The following SLAMF1 variants were observed in gnomAD, a reference collection of about 807,000 sequenced individuals.
SLAMF1 encodes signaling lymphocytic activation molecule.
A neutral mutation model predicts 35.1 loss-of-function variants in SLAMF1; 18 were observed. That is an observed-to-expected ratio of 0.51 (90% CI 0.35 to 0.76). SLAMF1 has a LOEUF of 0.76. Ranked by LOEUF, SLAMF1 falls within the 30% of genes least tolerant of loss-of-function variation. SLAMF1 has a pLI of 0.01. For synonymous variants in SLAMF1, 168 were observed against 157.2 expected (o/e 1.07, Z -0.51); for missense variants, 392 against 413.0 (o/e 0.95, Z 0.44).
In SLAMF1 at chr1:160,624,196, A is replaced by G. The variant is rs764071775; in HGVS notation, c.701-11T>C. ...CCCATGGTTTTGTTTCTGGAAAAAA[A>G]AAGAAGTCAAAGAGCAATCTCAAAA... On this transcript the variant is annotated splice_polypyrimidine_tract_variant and intron_variant, in intron 3 of 6. Transcript: ENST00000302035. 2 of 1,575,716 alleles carry G rather than the reference A, an allele frequency of 1.3e-6. No individual in the cohort carries two copies.
At position 160,646,992 on chromosome 1, in the gene SLAMF1, G is replaced by A. The variant is rs758768252; in HGVS notation, c.-47C>T. 21 of 957,758 alleles carry A rather than the reference G, an allele frequency of 2.2e-5. 1 individual carries two copies. The highest frequency in any genetic ancestry group is 3.2e-5 in the Non-Finnish European group (19 of 592,098). 59.3% of individuals were successfully genotyped at this position (957,758 alleles called of 1,614,324 possible). On this transcript the variant is annotated 5_prime_UTR_variant, in exon 1 of 7. The change creates a premature stop within an existing upstream ORF in the 5' untranslated region. Coordinates refer to ENST00000302035, the MANE Select transcript of SLAMF1 (RefSeq NM_003037.5). Reference sequence around the variant, plus strand: ...GGATCCTGGCCGGAGCCTGGCAGCTGCTCACAGATGCCAGGCAGAAGCAAG... The same window carrying A: ...GGATCCTGGCCGGAGCCTGGCAGCTACTCACAGATGCCAGGCAGAAGCAAG...
At chr1:160,619,441 C>G (rs896881847) in intron 5 of SLAMF1, among the ~76,000 whole-genome samples, 1 of 152,226 alleles carries the variant, frequency 6.6e-6, no homozygotes. Context: ...CCTCTCTCCT[C>G]AAGCCTGCAC....
intron 5 of SLAMF1, among the ~76,000 whole-genome samples, chr1:160,616,039 T>G (rs563140428): frequency 8.0e-4 from 122 of 152,332 alleles, no homozygotes; most frequent in African/African-American, 2.7e-3. Flanking sequence ...AGTAATTTGT[T>G]AAGGCATCCC....
rs149357277 is a variant in SLAMF1, at chr1:160,639,997, CT to C, written c.77-2469del. Among the ~76,000 whole-genome samples, 1,206 of 152,248 alleles carry C rather than the reference CT, an allele frequency of 7.9e-3. 8 individuals are homozygous for C. Among genetic ancestry groups the C allele is most frequent in the Non-Finnish European group, 0.012 (828 of 67,990 alleles). ...CATACCTGGGTAGCTCATTCTTTCA[CT>C]TTATTTTAGGTATCTGCTCAAAACA... On this transcript the variant is annotated intron_variant, in intron 1 of 6. Transcript: ENST00000302035.
intron 5 of SLAMF1, among the ~76,000 whole-genome samples, chr1:160,617,678 G>A (rs1038447435): frequency 6.6e-6 from 1 of 152,178 alleles, no homozygotes; most frequent in African/African-American, 2.4e-5. Flanking sequence ...CTTTGGGGAG[G>A]AGAGAGGAAG....
intron 3 of SLAMF1, among the ~76,000 whole-genome samples, chr1:160,627,228 T>C (rs551663168): frequency 1.3e-5 from 2 of 152,208 alleles, no homozygotes; most frequent in African/African-American, 2.4e-5. Context: ...GAAACCCATA[T>C]AGTAATGTAT....
intron 5 of SLAMF1, chr1:160,615,765 T>C (rs1312348956): frequency 6.3e-6 from 2 of 318,738 alleles, no homozygotes; most frequent in Non-Finnish European, 1.3e-5. Context: ...TGATGATGAC[T>C]GTCCTTATAA....
chr1:160,629,517 T>G (rs184306868), intron 3 of SLAMF1, among the ~76,000 whole-genome samples: 1 of 152,262 alleles, frequency 6.6e-6, no homozygotes, highest in East Asian at 1.9e-4. Context: ...AAGAGATACA[T>G]TCTTGTTCGT....
At chr1:160,632,374 T>C (rs755646267) in intron 3 of SLAMF1, among the ~76,000 whole-genome samples, 2 of 152,148 alleles carry the variant, frequency 1.3e-5, no homozygotes, top group African/African-American at 4.8e-5. Flanking sequence ...GACAGGGCCC[T>C]TCCTGTGGTG....
Position 160,608,732 on chromosome 1 carries a change from G to A in SLAMF1, c.*2016C>T, listed in dbSNP as rs143983001. 8 of 104,268 alleles carry A rather than the reference G, an allele frequency of 7.7e-5. No individual in the cohort carries two copies. In the East Asian group the frequency reaches 2.2e-3, roughly 28 times the overall value. 6.5% of individuals were successfully genotyped at this position (104,268 alleles called of 1,614,324 possible). On this transcript the variant is annotated 3_prime_UTR_variant, in exon 7 of 7. Transcript: ENST00000302035. ...TAGAGCAATCTGAGTTGTAGTAAAG[G>A]AATGGGTGCTCATAAGCCCGGGTTT...
At chr1:160,631,272 T>C in intron 3 of SLAMF1, among the ~76,000 whole-genome samples, 1 of 152,340 alleles carries the variant, frequency 6.6e-6, no homozygotes, top group East Asian at 1.9e-4. Context: ...AAACCAGCTG[T>C]GTGATCTGGT....
At position 160,637,084 on chromosome 1, in the gene SLAMF1, A is replaced by C. The variant is rs985916776; in HGVS notation, c.415+107T>G. 1.0e-4 allele frequency: 72 copies of C among 710,962 alleles called. No homozygotes were observed. The East Asian group carries it at 1.8e-3, about 18-fold the overall frequency. 44.0% of individuals were successfully genotyped at this position (710,962 alleles called of 1,614,324 possible). ...TACCCCCAAACTAGAAGATCATTCTAGTTACTTCCAATTCTGAATACCCTT... is the reference window on the plus strand; with the variant it reads ...TACCCCCAAACTAGAAGATCATTCTCGTTACTTCCAATTCTGAATACCCTT... On this transcript the variant is annotated intron_variant, in intron 2 of 6. Transcript: ENST00000302035.
At chr1:160,621,648 T>G (rs1039768578) in intron 4 of SLAMF1, among the ~76,000 whole-genome samples, 3 of 147,028 alleles carry the variant, frequency 2.0e-5, no homozygotes, top group Non-Finnish European at 3.0e-5. Context: ...AAAGGCCCAG[T>G]GTGTATGTGG....
At chr1:160,625,456 A>G (rs966177791) in intron 3 of SLAMF1, among the ~76,000 whole-genome samples, 2 of 152,206 alleles carry the variant, frequency 1.3e-5, no homozygotes, top group South Asian at 2.1e-4. Context: ...GTCTCAATGA[A>G]TTCATAAAAT....
intron 1 of SLAMF1, among the ~76,000 whole-genome samples, chr1:160,638,431 G>A (rs1660565951): frequency 6.6e-6 from 1 of 152,074 alleles, no homozygotes; most frequent in African/African-American, 2.4e-5. Flanking sequence ...CCTACTTCAA[G>A]GCTTTGTTTC....
intron 3 of SLAMF1, among the ~76,000 whole-genome samples, chr1:160,630,934 G>A (rs1385672067): frequency 6.6e-6 from 1 of 152,004 alleles, no homozygotes; most frequent in African/African-American, 2.4e-5. Flanking sequence ...TCTCTGGGAT[G>A]CTCTCTCTAA....
chr1:160,641,882 A>T (rs912450485), intron 1 of SLAMF1, among the ~76,000 whole-genome samples: 2 of 152,150 alleles, frequency 1.3e-5, no homozygotes, highest in Non-Finnish European at 2.9e-5. Context: ...GTTAACACCA[A>T]CTCACTTTCC....
At chr1:160,638,395 G>A (rs761679793) in intron 1 of SLAMF1, among the ~76,000 whole-genome samples, 3 of 152,098 alleles carry the variant, frequency 2.0e-5, no homozygotes, top group Non-Finnish European at 2.9e-5. Flanking sequence ...CACTTAAGTC[G>A]AGCCTCTTCC....
At position 160,625,067 on chromosome 1, in the gene SLAMF1, A is replaced by T. The variant is rs192846396; in HGVS notation, c.701-882T>A. ...TTCTCATTTTATGGAGAAGGAAAAC[A>T]GCCTGGAGAACCTCAAGAACTAGAG... On this transcript the variant is annotated intron_variant, in intron 3 of 6. Transcript: ENST00000302035. 7.9e-4 allele frequency among the ~76,000 whole-genome samples: 120 copies of T among 152,348 alleles called. 1 individual carries two copies. Among genetic ancestry groups the T allele is most frequent in the African/African-American group, 2.8e-3 (116 of 41,578 alleles).
Sources: allele counts gnomAD v4.1 joint callset (sites outside exome capture counted in the v4.1 genomes callset), GRCh38; gene constraint gnomAD v4.1.1; transcripts MANE v1.5; gene names NCBI Gene and HGNC (gene_info 2026-07-23, HGNC 2026-07-21).